Variants in MAGI3 observed in about 807,000 individuals in gnomAD.
MAGI3 encodes membrane-associated guanylate kinase, WW and PDZ domain-containing protein 3.
Under a neutral mutation model 121.8 loss-of-function variants are expected in MAGI3, and 43 were observed. The ratio of observed to expected loss-of-function variants is 0.35; its 90% CI spans 0.28 to 0.46. The LOEUF (loss-of-function observed/expected upper bound fraction) is 0.46. Among genes scored for constraint, MAGI3 ranks in the 20% least tolerant of loss-of-function variants. MAGI3 has a pLI of 1.00. For synonymous variants in MAGI3, 553 were observed against 639.3 expected (o/e 0.86, Z 2.04); for missense variants, 1,547 against 1,797.3 (o/e 0.86, Z 2.52).
At position 113,411,255 on chromosome 1, in the gene MAGI3, T is replaced by C. The variant is rs143864977; in HGVS notation, c.316+19906T>C. ...CAGTGTTTCAGTAATAAAGCTGAGC[T>C]ATTTGGATACACTGACCTTAATCTA... On this transcript the variant is annotated intron_variant, in intron 1 of 20. Transcript: ENST00000307546. Among the ~76,000 whole-genome samples, 555 of 152,300 alleles carry C rather than the reference T, an allele frequency of 3.6e-3. 4 individuals carry two copies. Among genetic ancestry groups the C allele is most frequent in the African/African-American group, 0.013 (532 of 41,578 alleles).
chr1:113,397,970 T>C (rs1052225705), intron 1 of MAGI3, among the ~76,000 whole-genome samples: 2 of 152,196 alleles, frequency 1.3e-5, no homozygotes, highest in Admixed American at 6.5e-5. Context: ...TCCCTTTTGT[T>C]ACAGCCACAG....
chr1:113,406,874 G>A (rs562662793), intron 1 of MAGI3, among the ~76,000 whole-genome samples: 338 of 152,172 alleles, frequency 2.2e-3, no homozygotes, highest in Non-Finnish European at 1.9e-3. Context: ...GCCAGGGAAA[G>A]CATCCCTGAG....
In MAGI3 at chr1:113,590,506, G is replaced by A. The variant is rs1156352533; in HGVS notation, c.786G>A (p.Glu262=). The change falls in exon 5 of 21, where the codon GAG becomes GAA. Residue 262 remains glutamate (E), a synonymous_variant. Transcript: ENST00000307546. ...CAGAAAACAGAGAGAGGCATTCTGA[G>A]TCATCTGACTGGATGAAGACTGTTC... The part of the protein sequence containing the change: ...GNAENRERHS[E]SSDWMKTVPS... The A allele has an allele frequency of 1.9e-6, 3 of 1,613,550 alleles. No individual in the cohort carries two copies. The highest frequency in any genetic ancestry group is 1.7e-6 in the Non-Finnish European group (2 of 1,179,684).
At chr1:113,580,429 G>A in intron 2 of MAGI3, 113 bp from the exon 3 acceptor site, 1 of 858,226 alleles carries the variant, frequency 1.2e-6, no homozygotes, top group Non-Finnish European at 1.7e-6. Flanking sequence ...AGTTGGGGCA[G>A]GGGAATGAAA....
At position 113,391,153 on chromosome 1, in the gene MAGI3, C is replaced by A. The variant is rs770303715; in HGVS notation, c.120C>A (p.Gly40=). The change falls in exon 1 of 21, where the codon GGC becomes GGA. Residue 40 remains glycine (G), a synonymous_variant. Transcript: ENST00000307546. This position sits in a 1 kb window ranked among gnomAD's most constrained non-coding sequence, Gnocchi z 4.4. ...AGATCCGCGGTGGCGCGGAGCGTGG[C>A]GAGTTCCCCTACCTGGGGCGGCTCC... ...GAEIRGGAER[G]EFPYLGRLRE... is the part of the protein sequence containing the mutation. The A allele has an allele frequency of 6.4e-6, 10 of 1,560,212 alleles. No homozygotes were observed. The South Asian group carries it at 9.4e-5, about 15-fold the overall frequency.
chr1:113,436,987 T>G (rs1214528289), intron 1 of MAGI3, among the ~76,000 whole-genome samples: 2 of 152,068 alleles, frequency 1.3e-5, no homozygotes, highest in East Asian at 3.9e-4. Context: ...GCTAATTTTT[T>G]GTATTTTTAG....
intron 1 of MAGI3, among the ~76,000 whole-genome samples, chr1:113,395,860 T>C (rs1189082665): frequency 6.6e-6 from 1 of 152,080 alleles, no homozygotes; most frequent in African/African-American, 2.4e-5. Context: ...TACAAACAAA[T>C]ACTTAACATT....
At chr1:113,436,244 A>C (rs116826202) in intron 1 of MAGI3, among the ~76,000 whole-genome samples, 48 of 152,176 alleles carry the variant, frequency 3.2e-4, no homozygotes, top group African/African-American at 1.1e-3. Flanking sequence ...TTACAATTCC[A>C]GTGTGTTTTG....
intron 9 of MAGI3, among the ~76,000 whole-genome samples, chr1:113,626,409 C>G (rs1651244419): frequency 6.6e-6 from 1 of 152,130 alleles, no homozygotes; most frequent in South Asian, 2.1e-4. Context: ...ATCAGAAATA[C>G]TGGCCTGTAG....
chr1:113,406,511 T>C (rs1481210949), intron 1 of MAGI3, among the ~76,000 whole-genome samples: 1 of 150,446 alleles, frequency 6.6e-6, no homozygotes, highest in Non-Finnish European at 1.5e-5. Context: ...TTTCATAAGA[T>C]GATAAATGAA....
chr1:113,437,880 C>CTTCTTCTTCCTCTT lies in MAGI3; in HGVS notation c.316+46531_316+46532insTTCTTCTTCCTCTT, dbSNP rs1557757197. On this transcript the variant is annotated intron_variant, in intron 1 of 20. Transcript: ENST00000307546. Reference sequence around the variant, plus strand: ...TTCTTCTTCCTCTTCTTCTTCTTCTCCTTCTCCTTCTCCTTCTCCTTCTCC... The same window carrying CTTCTTCTTCCTCTT: ...TTCTTCTTCCTCTTCTTCTTCTTCTCTTCTTCTTCCTCTTCTTCTCCTTCTCCTTCTCCTTCTCC... Among the ~76,000 whole-genome samples, 124 of 16,986 alleles carry CTTCTTCTTCCTCTT rather than the reference C, an allele frequency of 7.3e-3. 3 individuals carry two copies. The highest frequency in any genetic ancestry group is 0.031 in the East Asian group (13 of 420). 11.1% of individuals were successfully genotyped at this position (16,986 alleles called of 152,430 possible).
intron 14 of MAGI3, 78 bp downstream of exon 14, chr1:113,651,284 G>A: frequency 7.3e-7 from 1 of 1,368,178 alleles, no homozygotes; most frequent in Non-Finnish European, 9.8e-7. Flanking sequence ...AGTTTTGCAG[G>A]TTATTTTATT....
At chr1:113,418,257 C>T (rs1652557028) in intron 1 of MAGI3, among the ~76,000 whole-genome samples, 3 of 152,162 alleles carry the variant, frequency 2.0e-5, no homozygotes, top group Admixed American at 6.5e-5. Context: ...TTCAAATGCA[C>T]TGTGATGGGT....
chr1:113,679,737 C>T (rs898425181), intron 19 of MAGI3, among the ~76,000 whole-genome samples: 4 of 139,698 alleles, frequency 2.9e-5, no homozygotes, highest in Admixed American at 7.6e-5. Flanking sequence ...GACGGAGTTT[C>T]GCTCGCTGCC....
In MAGI3 at chr1:113,469,637, G is replaced by T. The variant is rs76409973; in HGVS notation, c.316+78288G>T. On this transcript the variant is annotated intron_variant, in intron 1 of 20. Coordinates refer to ENST00000307546, the MANE Select transcript of MAGI3 (RefSeq NM_001142782.2). Reference sequence around the variant, plus strand: ...GTGTATGAGTGAAAAATTATCATTTGACTTTTGGGAAAATGAAATGGTTAT... The same window carrying T: ...GTGTATGAGTGAAAAATTATCATTTTACTTTTGGGAAAATGAAATGGTTAT... 1.2e-4 allele frequency among the ~76,000 whole-genome samples: 18 copies of T among 151,772 alleles called. No individual in the cohort carries two copies. The East Asian group carries it at 3.5e-3, about 29-fold the overall frequency.
At chr1:113,516,916 C>T (rs1000538280) in intron 1 of MAGI3, among the ~76,000 whole-genome samples, 1 of 152,002 alleles carries the variant, frequency 6.6e-6, no homozygotes, top group Non-Finnish European at 1.5e-5. Flanking sequence ...CTCAAAAACA[C>T]ATAACCCCAG....
Position 113,614,610 on chromosome 1 carries a change from A to G in MAGI3, c.1028A>G (p.Tyr343Cys), listed in dbSNP as rs1650346853. 1.2e-6 allele frequency: 2 copies of G among 1,609,542 alleles called. No individual in the cohort carries two copies. Among genetic ancestry groups the G allele is most frequent in the Non-Finnish European group, 1.7e-6 (2 of 1,177,054 alleles). ...TTTTCTTTATTTACAGAGCTTCCTT[A>G]TGGCTGGGAGAAAATAGAGGACCCT... ...PEDCEDGELP[Y>C]GWEKIEDPQY... The change falls in exon 7 of 21, where the codon TAT becomes TGT. Residue 343 changes from tyrosine to cysteine, a missense_variant. Physicochemically the swap from Tyr to Cys is radical, Grantham distance 194 (BLOSUM62 -2). Coordinates refer to ENST00000307546, the MANE Select transcript of MAGI3 (RefSeq NM_001142782.2).
At chr1:113,619,598 TCA>T (rs1650694972) in intron 7 of MAGI3, 136 bp from the exon 8 acceptor site, 2 of 544,134 alleles carry the variant, frequency 3.7e-6, no homozygotes, top group Non-Finnish European at 6.5e-6. Flanking sequence ...CTATCATCTA[TCA>T]GTCTCTCCAT....
chr1:113,662,354 C>T (rs972523615), intron 16 of MAGI3, among the ~76,000 whole-genome samples: 5 of 152,124 alleles, frequency 3.3e-5, no homozygotes, highest in South Asian at 2.1e-4. Context: ...ACAACACTAC[C>T]GCCTCTTCCT....
Sources: allele counts gnomAD v4.1 joint callset (sites outside exome capture counted in the v4.1 genomes callset), GRCh38; gene constraint gnomAD v4.1.1; non-coding constraint Gnocchi (gnomAD v3.1); transcripts MANE v1.5; gene names NCBI Gene and HGNC (gene_info 2026-07-23, HGNC 2026-07-21).